GPHN: variants seen among roughly 807,000 people sequenced by gnomAD.
The protein encoded by GPHN is gephyrin.
GPHN carries 17 observed loss-of-function variants against 95.5 expected under a neutral mutation model. That is an observed-to-expected ratio of 0.18 (90% confidence interval 0.12 to 0.27). GPHN has a LOEUF of 0.27. Among genes scored for constraint, GPHN ranks in the 10% least tolerant of loss-of-function variants. The pLI is 1.00. For missense variants in GPHN, 660 were observed against 978.1 expected, an observed-to-expected ratio of 0.67 and a Z score of 4.34; for synonymous variants, 320 against 322.5, an observed-to-expected ratio of 0.99 and a Z score of 0.08.
rs534213391 is a variant in GPHN at position 66,948,865 on chromosome 14, C to T, written c.829-16326C>T. On this transcript the variant is annotated intron_variant, in intron 8 of 22. Coordinates refer to ENST00000478722, the MANE Select transcript of GPHN (RefSeq NM_020806.5). ...TATTGCTCAGGCAGGAGTGCAACAG[C>T]ACAGTCACTGTATCCTCCACCTCCT... Among the ~76,000 whole-genome samples, 55 of 152,264 alleles carry T rather than the reference C, an allele frequency of 3.6e-4. No individual in the cohort carries two copies. The Middle Eastern group carries it at 0.02, about 56-fold the overall frequency.
chr14:67,199,567 C>A, the GPHN span: 1 of 1,598,652 alleles, frequency 6.3e-7, no homozygotes, highest in Non-Finnish European at 8.6e-7. Context: ...ACCTCTGTAA[C>A]CACCCTATCA....
At chr14:66,691,009 A>C (rs2067735843) in intron 2 of GPHN, among the ~76,000 whole-genome samples, 1 of 152,076 alleles carries the variant, frequency 6.6e-6, no homozygotes, top group Non-Finnish European at 1.5e-5. Context: ...TGAAAACCCA[A>C]AGATTTTTAT....
In GPHN at chr14:66,519,973, C is replaced by T. The variant is rs564544433; in HGVS notation, c.64+11382C>T. Among the ~76,000 whole-genome samples, 6 of 152,110 alleles carry T rather than the reference C, an allele frequency of 3.9e-5. No homozygotes were observed. The South Asian group carries it at 8.3e-4, about 21-fold the overall frequency. On this transcript the variant is annotated intron_variant, in intron 1 of 22. Transcript: ENST00000478722. ...GCAAATTGAATCTATGTAATCTGTCCGTAGAGTGTAAGCTCTTAACTACTA... is the reference window on the plus strand; with the variant it reads ...GCAAATTGAATCTATGTAATCTGTCTGTAGAGTGTAAGCTCTTAACTACTA...
chr14:66,964,504 A>G (rs2069175672), intron 8 of GPHN, among the ~76,000 whole-genome samples: 1 of 152,238 alleles, frequency 6.6e-6, no homozygotes, highest in Admixed American at 6.5e-5. Flanking sequence ...ACAAGACATC[A>G]TGGAATGCCT....
intron 8 of GPHN, among the ~76,000 whole-genome samples, chr14:66,939,741 G>T (rs948810775): frequency 2.0e-5 from 3 of 152,124 alleles, no homozygotes; most frequent in Non-Finnish European, 2.9e-5. Context: ...TTAAAATAAG[G>T]ATAAGGATGA....
At chr14:67,131,551 G>T (rs1261897049) in intron 17 of GPHN, among the ~76,000 whole-genome samples, 1 of 152,128 alleles carries the variant, frequency 6.6e-6, no homozygotes, top group Non-Finnish European at 1.5e-5. Context: ...AGAAAGTATG[G>T]TACTGACAGT....
intron 2 of GPHN, among the ~76,000 whole-genome samples, chr14:66,742,214 A>C (rs570866559): frequency 4.4e-4 from 67 of 152,348 alleles, no homozygotes; most frequent in Admixed American, 7.8e-4. Flanking sequence ...CATTGTTTAC[A>C]GTTCCTTCAT....
At chr14:66,526,356 G>T (rs1195014858) in intron 1 of GPHN, among the ~76,000 whole-genome samples, 2 of 152,168 alleles carry the variant, frequency 1.3e-5, no homozygotes, top group East Asian at 3.8e-4. Flanking sequence ...TGCTGAAGTT[G>T]CTTATCAGCT....
At chr14:66,935,577 G>A (rs919350986) in intron 8 of GPHN, among the ~76,000 whole-genome samples, 14 of 151,384 alleles carry the variant, frequency 9.2e-5, no homozygotes, top group African/African-American at 2.4e-4. Context: ...ATACACCACC[G>A]CATGGTGGCT....
At chr14:67,321,252 G>A in the GPHN span, 9 of 1,613,994 alleles carry the variant, frequency 5.6e-6, no homozygotes, top group African/African-American at 1.3e-5. Context: ...TTAAGTCTTC[G>A]TACACAGGTA....
At chr14:67,728,485 T>C in the GPHN span, among the ~76,000 whole-genome samples, 1 of 152,050 alleles carries the variant, frequency 6.6e-6, no homozygotes, top group African/African-American at 2.4e-5. Context: ...TACATCAGAG[T>C]TCAGACCTTG....
At chr14:66,508,646 A>G (rs1311919970) in intron 1 of GPHN, 55 bp downstream of exon 1, 4 of 1,463,028 alleles carry the variant, frequency 2.7e-6, no homozygotes, top group East Asian at 4.5e-5. Context: ...GCATTGCCTT[A>G]GGCTTTTCGC....
the GPHN span, among the ~76,000 whole-genome samples, chr14:67,485,442 C>G: frequency 6.6e-6 from 1 of 152,204 alleles, no homozygotes; most frequent in Non-Finnish European, 1.5e-5. Flanking sequence ...CAAGATCTAC[C>G]TAAAGTGGAA....
chr14:67,296,222 C>CTTT, the GPHN span, among the ~76,000 whole-genome samples: 2 of 152,060 alleles, frequency 1.3e-5, no homozygotes, highest in African/African-American at 4.8e-5. Flanking sequence ...GCATTCCATG[C>CTTT]TCAAAGGGTA....
chr14:67,646,156 A>G, the GPHN span, among the ~76,000 whole-genome samples: 1 of 152,220 alleles, frequency 6.6e-6, no homozygotes, highest in Non-Finnish European at 1.5e-5. Flanking sequence ...AGTTCAGAAT[A>G]TATGGGAGTC....
the GPHN span, chr14:67,575,784 C>CCACTGG: frequency 6.5e-7 from 1 of 1,539,078 alleles, no homozygotes; most frequent in African/African-American, 1.4e-5. Context: ...CCCTCATCCC[C>CCACTGG]CACTGGCTCT....
At chr14:67,040,605 C>T (rs1295847930) in intron 10 of GPHN, among the ~76,000 whole-genome samples, 1 of 152,164 alleles carries the variant, frequency 6.6e-6, no homozygotes, top group Non-Finnish European at 1.5e-5. Flanking sequence ...TTTAGTTATC[C>T]TGTCTCTGTA....
chr14:66,610,030 G>A (rs1332009964), intron 1 of GPHN, among the ~76,000 whole-genome samples: 2 of 152,040 alleles, frequency 1.3e-5, no homozygotes, highest in Non-Finnish European at 2.9e-5. Flanking sequence ...GAGTTCTTTT[G>A]CTGATTCTTT....
chr14:67,486,290 T>C, the GPHN span, among the ~76,000 whole-genome samples: 1 of 152,230 alleles, frequency 6.6e-6, no homozygotes, highest in Admixed American at 6.5e-5. Context: ...TTTTGTTTTG[T>C]TTTGAGACAG....
Sources: allele counts gnomAD v4.1 joint callset (sites outside exome capture counted in the v4.1 genomes callset), GRCh38; gene constraint gnomAD v4.1.1; transcripts MANE v1.5; gene names NCBI Gene and HGNC (gene_info 2026-07-23, HGNC 2026-07-21).